Variants in BCLAF1 observed in about 807,000 individuals in gnomAD.
BCLAF1 encodes bcl-2-associated transcription factor 1.
Under a neutral mutation model 99.5 loss-of-function variants are expected in BCLAF1, and 10 were observed. That is an observed-to-expected ratio of 0.10 (90% CI 0.06 to 0.17). The LOEUF (loss-of-function observed/expected upper bound fraction) is 0.17. BCLAF1 is among the 10% of genes least tolerant of loss of function. The pLI is 1.00. For missense variants in BCLAF1, 636 were observed against 1,105.8 expected, an observed-to-expected ratio of 0.58 and a Z score of 6.02; for synonymous variants, 255 against 370.9, an observed-to-expected ratio of 0.69 and a Z score of 3.59.
chr6:136,268,600 T>A, intron 9 of BCLAF1: 1 of 313,560 alleles, frequency 3.2e-6, no homozygotes, highest in Non-Finnish European at 5.9e-6. Flanking sequence ...AAGGTTCAGT[T>A]CTTTAGTATT....
At chr6:136,280,799 T>C (rs895943977) in intron 2 of BCLAF1, among the ~76,000 whole-genome samples, 2 of 151,352 alleles carry the variant, frequency 1.3e-5, no homozygotes, top group Admixed American at 1.3e-4. Context: ...ATTTTCAACT[T>C]TTCAATGATT....
At chr6:136,272,778 T>C (rs1782713355) in intron 7 of BCLAF1, among the ~76,000 whole-genome samples, 1 of 151,914 alleles carries the variant, frequency 6.6e-6, no homozygotes, top group Non-Finnish European at 1.5e-5. Context: ...TTTATTTCAC[T>C]AGAAATTCGA....
chr6:136,267,313 G>A, intron 10 of BCLAF1, 138 bp from the exon 11 acceptor site: 1 of 1,049,644 alleles, frequency 9.5e-7, no homozygotes, highest in Non-Finnish European at 1.3e-6. Context: ...AGGATGAAAA[G>A]GATGGCCATT....
At position 136,279,783 on chromosome 6, in the gene BCLAF1, A is replaced by C; in HGVS notation, c.84T>G (p.His28Gln). 6.4e-7 allele frequency: 1 copy of C among 1,573,956 alleles called. No individual in the cohort carries two copies. Among genetic ancestry groups the C allele is most frequent in the Non-Finnish European group, 8.6e-7 (1 of 1,160,682 alleles). ...QSSSRSRSRS[H>Q]SRKKRYSSRS... ...ATCACCTGTATCGCTTCTTTCTAGA[A>C]TGAGATCTTGATCTTGATCGAGAAC... The change falls in exon 3 of 13, where the codon CAT becomes CAG. Residue 28 changes from histidine (H) to glutamine (Q), a missense_variant. Transcript: ENST00000531224.
chr6:136,258,032 TCA>T lies in BCLAF1; in HGVS notation c.*3076_*3077del, dbSNP rs1159832059. 6.6e-6 allele frequency: 1 copy of T among 152,152 alleles called. No individual in the cohort carries two copies. Among genetic ancestry groups the T allele is most frequent in the Non-Finnish European group, 1.5e-5 (1 of 67,954 alleles). The allele number at this position is 152,152 out of a possible 1,614,324, so 9.4% of individuals were successfully genotyped here. On this transcript the variant is annotated 3_prime_UTR_variant, in exon 13 of 13. Coordinates refer to ENST00000531224, the MANE Select transcript of BCLAF1 (RefSeq NM_014739.3). ...GTATGTACACACAGAGTTATTTCTCTCACAGAATTTTTAAGGACTAATTTGCC... is the reference window on the plus strand; with the variant it reads ...GTATGTACACACAGAGTTATTTCTCTCAGAATTTTTAAGGACTAATTTGCC...
In BCLAF1 at chr6:136,271,703, G is replaced by C. The variant is rs546536933; in HGVS notation, c.2043+292C>G. Among the ~76,000 whole-genome samples, 47 of 151,820 alleles carry C rather than the reference G, an allele frequency of 3.1e-4. No homozygotes were observed. The South Asian group carries it at 3.5e-3, about 11-fold the overall frequency. On this transcript the variant is annotated intron_variant, in intron 8 of 12. Transcript: ENST00000531224. ...TCTCAAAATTCTAATTTGTATCTTTGATTTTATAATTTCCCTTTGTCTACC... is the reference window on the plus strand; with the variant it reads ...TCTCAAAATTCTAATTTGTATCTTTCATTTTATAATTTCCCTTTGTCTACC...
intron 6 of BCLAF1, chr6:136,273,643 A>G (rs1481399628): frequency 1.3e-5 from 2 of 157,296 alleles, no homozygotes; most frequent in East Asian, 1.8e-4. Context: ...ATATGCTGCC[A>G]TATCAACAAA....
intron 11 of BCLAF1, among the ~76,000 whole-genome samples, chr6:136,266,373 C>T (rs1401604706): frequency 6.6e-6 from 1 of 151,992 alleles, no homozygotes; most frequent in African/African-American, 2.4e-5. Flanking sequence ...TATTCTTGTC[C>T]ACCTCTATAA....
intron 6 of BCLAF1, chr6:136,274,161 T>C (rs148324777): frequency 7.8e-7 from 1 of 1,288,790 alleles, no homozygotes; most frequent in East Asian, 5.6e-5. Context: ...GAAACATGGA[T>C]TTTGCCATTT....
chr6:136,275,970 G>A lies in BCLAF1; in HGVS notation c.1555C>T (p.Leu519=). Residue 519 remains leucine (L), a synonymous_variant, in exon 5 of 13, where the codon CTG becomes TTG. Coordinates refer to ENST00000531224, the MANE Select transcript of BCLAF1 (RefSeq NM_014739.3). The part of the protein sequence containing the change: ...FDYSPPLHKN[L]DAREKSTFRE... ...AAGGTAGACTTTTCTCGTGCATCCA[G>A]ATTCTTGTGTAGAGGGGGACTGTAA... 1 of 1,612,740 alleles carries A rather than the reference G, an allele frequency of 6.2e-7. No homozygotes were observed. Among genetic ancestry groups the A allele is most frequent in the Non-Finnish European group, 8.5e-7 (1 of 1,179,556 alleles).
chr6:136,272,538 CAACT>C (rs1182378788), intron 7 of BCLAF1, among the ~76,000 whole-genome samples: 3 of 151,866 alleles, frequency 2.0e-5, no homozygotes, highest in Non-Finnish European at 4.4e-5. Flanking sequence ...AAAATCACAC[CAACT>C]GTGTACAAAG....
chr6:136,274,329 G>GA, intron 6 of BCLAF1: 2 of 280,224 alleles, frequency 7.1e-6, no homozygotes, highest in Non-Finnish European at 1.2e-5. Context: ...AAAGAAAAAG[G>GA]AAAAAATTTA....
intron 10 of BCLAF1, among the ~76,000 whole-genome samples, chr6:136,267,704 T>A (rs1186807263): frequency 1.3e-5 from 2 of 151,956 alleles, no homozygotes; most frequent in Non-Finnish European, 2.9e-5. Context: ...ATGGGGATAA[T>A]GTATATGCTA....
intron 7 of BCLAF1, 67 bp downstream of exon 7, chr6:136,273,015 A>G: frequency 2.6e-6 from 3 of 1,157,404 alleles, no homozygotes; most frequent in Non-Finnish European, 3.7e-6. Flanking sequence ...TTCCAATACA[A>G]TCTTGTTTTA....
chr6:136,280,532 T>C (rs1295426951), intron 2 of BCLAF1, among the ~76,000 whole-genome samples: 3 of 152,120 alleles, frequency 2.0e-5, no homozygotes, highest in Non-Finnish European at 4.4e-5. Context: ...AAGCTTTCTG[T>C]TAAGAAGATT....
At chr6:136,289,239 C>A (rs1479738809) in intron 1 of BCLAF1, among the ~76,000 whole-genome samples, 1 of 152,244 alleles carries the variant, frequency 6.6e-6, no homozygotes, top group Admixed American at 6.5e-5. Context: ...TTCTCAAAAC[C>A]CCACAGGCCA....
chr6:136,270,513 A>T (rs1465839578), intron 8 of BCLAF1: 1 of 151,854 alleles, frequency 6.6e-6, no homozygotes, highest in East Asian at 1.9e-4. Context: ...CATAAAACTG[A>T]AAGTACGTAT....
intron 11 of BCLAF1, among the ~76,000 whole-genome samples, chr6:136,263,119 C>T (rs995797450): frequency 2.0e-5 from 3 of 152,210 alleles, no homozygotes; most frequent in Non-Finnish European, 4.4e-5. Flanking sequence ...CAACAACCCT[C>T]TAAGATAGTA....
chr6:136,279,940 T>C (rs1784148778), intron 2 of BCLAF1, 64 bp from the exon 3 acceptor site: 1 of 1,326,212 alleles, frequency 7.5e-7, no homozygotes, highest in Non-Finnish European at 9.7e-7. Flanking sequence ...TTTTACATTA[T>C]TACTTATTTT....
Sources: gnomAD v4.1 joint callset for allele counts (sites outside exome capture counted in the v4.1 genomes callset) on GRCh38, gnomAD v4.1.1 for gene constraint, MANE v1.5 for transcripts, NCBI Gene and HGNC (gene_info 2026-07-23, HGNC 2026-07-21) for gene names.